TCF20: variants seen among roughly 807,000 people sequenced by gnomAD.
TCF20 encodes SPRE-binding protein.
A neutral mutation model predicts 148.6 loss-of-function variants in TCF20; 3 were observed. The ratio of observed to expected loss-of-function variants is 0.02; its 90% CI spans 0.01 to 0.05. TCF20 has a LOEUF of 0.05. Among genes scored for constraint, TCF20 ranks in the 10% least tolerant of loss-of-function variants. The pLI, the probability that TCF20 is intolerant of heterozygous loss-of-function variation, is 1.00. For missense variants in TCF20, 2,350 were observed against 2,429.3 expected (o/e 0.97, Z 0.69); for synonymous variants, 1,049 against 909.5 (o/e 1.15, Z -2.76).
In TCF20 at chr22:42,334,342, CA is replaced by C. The variant is rs1928028827; in HGVS notation, c.-37+9136del. Among the ~76,000 whole-genome samples the C allele has an allele frequency of 2.0e-5, 3 of 152,238 alleles. No homozygotes were observed. In the South Asian group the frequency reaches 6.2e-4, roughly 32 times the overall value. On this transcript the variant is annotated intron_variant, in intron 1 of 1. Coordinates refer to the TCF20 transcript ENST00000515426. ...TGAGGCTCTAGGAGGTTTGGTGTCCCAGGGGTACCCCAATGAGGAGTCAAGA... is the reference window on the plus strand; with the variant it reads ...TGAGGCTCTAGGAGGTTTGGTGTCCCGGGGTACCCCAATGAGGAGTCAAGA...
chr22:42,277,709 T>G (rs1354666556), intron 1 of TCF20, among the ~76,000 whole-genome samples: 2 of 152,170 alleles, frequency 1.3e-5, no homozygotes, highest in Non-Finnish European at 2.9e-5. Flanking sequence ...GAGGAGATGA[T>G]GAAGGATTCT....
At chr22:42,313,588 GAATT>G (rs1339434576) in intron 1 of TCF20, among the ~76,000 whole-genome samples, 19 of 144,456 alleles carry the variant, frequency 1.3e-4, no homozygotes, top group Non-Finnish European at 2.7e-4. Context: ...AGCCTCAACA[GAATT>G]CTTTCTTTTT....
At chr22:42,241,017 G>A (rs117518412) in intron 1 of TCF20, among the ~76,000 whole-genome samples, 6,120 of 152,040 alleles carry the variant, frequency 0.04, 371 homozygotes, top group Admixed American at 0.17. Context: ...CATCACGCCC[G>A]GCTAATTTCT....
chr22:42,243,292 C>CAAAAAAAA lies in TCF20; in HGVS notation c.-37+27039_-37+27046dup, dbSNP rs3045578. 8.4e-3 allele frequency among the ~76,000 whole-genome samples: 333 copies of CAAAAAAAA among 39,488 alleles called. 97 individuals are homozygous for CAAAAAAAA. In the East Asian group the frequency reaches 0.12, roughly 15 times the overall value. 25.9% of individuals were successfully genotyped at this position (39,488 alleles called of 152,430 possible). ...TGGCTGGCAGAGCAAGACACTGTCT[C>CAAAAAAAA]AAAAAAAAAAAAAAAAAAAAAAAAA... is the stretch of plus-strand genomic sequence containing the variant. On this transcript the variant is annotated intron_variant, in intron 1 of 5. Transcript: ENST00000677622.
chr22:42,188,396 A>G (rs1405243409), intron 2 of TCF20, among the ~76,000 whole-genome samples: 2 of 151,554 alleles, frequency 1.3e-5, no homozygotes, highest in South Asian at 2.1e-4. Flanking sequence ...TTGGCTAACG[A>G]AAGTAAAAAC....
intron 2 of TCF20, among the ~76,000 whole-genome samples, chr22:42,180,469 T>G (rs1022383142): frequency 6.6e-6 from 1 of 152,286 alleles, no homozygotes; most frequent in Non-Finnish European, 1.5e-5. Context: ...AGGTAAGAAA[T>G]GTGTCCTATC....
At chr22:42,269,015 A>T (rs1013744079) in intron 1 of TCF20, among the ~76,000 whole-genome samples, 1 of 152,212 alleles carries the variant, frequency 6.6e-6, no homozygotes, top group Non-Finnish European at 1.5e-5. Flanking sequence ...GGGAGTCCTC[A>T]CTTAACAGAT....
At chr22:42,202,581 T>G (rs1185491272) in intron 2 of TCF20, among the ~76,000 whole-genome samples, 1 of 152,200 alleles carries the variant, frequency 6.6e-6, no homozygotes, top group Non-Finnish European at 1.5e-5. Context: ...CCGGGGCAAG[T>G]GTTTAGCTGC....
chr22:42,173,381 G>C (rs771679975), intron 3 of TCF20, among the ~76,000 whole-genome samples: 1 of 152,054 alleles, frequency 6.6e-6, no homozygotes, highest in Non-Finnish European at 1.5e-5. Context: ...ACATCAGGTG[G>C]GGGGGAAGGT....
intron 2 of TCF20, among the ~76,000 whole-genome samples, chr22:42,208,505 T>G (rs1249976041): frequency 3.3e-5 from 5 of 152,122 alleles, no homozygotes; most frequent in Non-Finnish European, 7.4e-5. Flanking sequence ...CACACACCTT[T>G]AGTCCCAGGT....
chr22:42,167,057 C>T (rs1412604146), intron 5 of TCF20, among the ~76,000 whole-genome samples: 5 of 152,190 alleles, frequency 3.3e-5, no homozygotes, highest in African/African-American at 9.7e-5. Flanking sequence ...AAACCAGCAG[C>T]CACTCGCTGA....
chr22:42,196,870 C>T (rs913167473), intron 2 of TCF20, among the ~76,000 whole-genome samples: 3 of 152,152 alleles, frequency 2.0e-5, no homozygotes, highest in Non-Finnish European at 4.4e-5. Flanking sequence ...GATTTGAGTT[C>T]GGCTGGAAAT....
At chr22:42,163,063 GC>G (rs1404705344) in intron 5 of TCF20, among the ~76,000 whole-genome samples, 2 of 152,184 alleles carry the variant, frequency 1.3e-5, no homozygotes, top group African/African-American at 4.8e-5. Context: ...CAAGGCCAAT[GC>G]CCACACGTAC....
intron 1 of TCF20, among the ~76,000 whole-genome samples, chr22:42,263,167 G>C (rs1307294436): frequency 6.6e-6 from 1 of 152,154 alleles, no homozygotes; most frequent in African/African-American, 2.4e-5. Context: ...GCAAGTGATG[G>C]AGCCAGGATG....
At chr22:42,313,921 G>A (rs547284489) in intron 1 of TCF20, among the ~76,000 whole-genome samples, 1 of 152,334 alleles carries the variant, frequency 6.6e-6, no homozygotes, top group South Asian at 2.1e-4. Flanking sequence ...CCGCCTCAGG[G>A]AACACCTTTG....
At chr22:42,193,670 C>T (rs1937454797) in intron 2 of TCF20, among the ~76,000 whole-genome samples, 1 of 152,088 alleles carries the variant, frequency 6.6e-6, no homozygotes, top group South Asian at 2.1e-4. Flanking sequence ...TTCATTTATC[C>T]AACACCTTGA....
chr22:42,286,058 G>A (rs1478412533), upstream of TCF20, among the ~76,000 whole-genome samples: 5 of 152,196 alleles, frequency 3.3e-5, no homozygotes, highest in Non-Finnish European at 7.3e-5. Context: ...CTCACTCACT[G>A]GGTGACCTTA....
At chr22:42,251,634 C>T (rs551624937) in intron 1 of TCF20, among the ~76,000 whole-genome samples, 3 of 148,028 alleles carry the variant, frequency 2.0e-5, no homozygotes, top group Middle Eastern at 3.5e-3. Context: ...TCCCGAGTAG[C>T]GGGGACTACA....
At position 42,211,603 on chromosome 22, in the gene TCF20, C is replaced by A; in HGVS notation, c.3703G>T (p.Val1235Phe). 6.2e-7 allele frequency: 1 copy of A among 1,614,208 alleles called. No homozygotes were observed. The highest frequency in any genetic ancestry group is 8.5e-7 in the Non-Finnish European group (1 of 1,180,038). ...TCCTGGCCTGGAAGTCTCAGCATAA[C>A]ACTACCAGGTTTGGATGACTGTGTA... ...EATQSSKPGSVMLRLPGQEDH... is the reference protein window; with the variant it reads ...EATQSSKPGSFMLRLPGQEDH... Residue 1235 changes from valine to phenylalanine, a missense_variant, in exon 2 of 6, where the codon GTT (valine) becomes TTT (phenylalanine). This residue lies in a region of TCF20 where 1,641 missense variants were observed against 1,662.6 expected (regional missense o/e 0.99). Coordinates refer to ENST00000677622, the MANE Select transcript of TCF20 (RefSeq NM_001378418.1).
Sources: allele counts gnomAD v4.1 joint callset (sites outside exome capture counted in the v4.1 genomes callset), GRCh38; gene constraint gnomAD v4.1.1; regional missense constraint gnomAD v4.1.1; transcripts MANE v1.5; gene names NCBI Gene and HGNC (gene_info 2026-07-23, HGNC 2026-07-21).